SRGAP1: variants seen among roughly 807,000 people sequenced by gnomAD.
The protein encoded by SRGAP1 is SLIT-ROBO Rho GTPase activating protein 1.
SRGAP1 carries 43 observed loss-of-function variants against 121.9 expected under a neutral mutation model. That is an observed-to-expected ratio of 0.35 (90% CI 0.28 to 0.46). The LOEUF is 0.46. Among genes scored for constraint, SRGAP1 ranks in the 20% least tolerant of loss-of-function variants. The pLI is 1.00. For missense variants in SRGAP1, 1,102 were observed against 1,350.9 expected (o/e 0.82, Z 2.89); for synonymous variants, 447 against 485.4 (o/e 0.92, Z 1.04).
intron 1 of SRGAP1, among the ~76,000 whole-genome samples, chr12:63,969,122 T>G (rs1271855367): frequency 6.6e-6 from 1 of 152,276 alleles, no homozygotes; most frequent in East Asian, 1.9e-4. Context: ...ACTCCACCTG[T>G]TTTTAGGTGC....
At chr12:64,139,436 T>G (rs575628877) in intron 21 of SRGAP1, among the ~76,000 whole-genome samples, 5 of 152,242 alleles carry the variant, frequency 3.3e-5, no homozygotes, top group Non-Finnish European at 7.3e-5. Flanking sequence ...AGTATCTAAA[T>G]TTAAACTTTT....
chr12:64,078,001 G>A (rs1465354142), intron 8 of SRGAP1, among the ~76,000 whole-genome samples: 2 of 152,124 alleles, frequency 1.3e-5, no homozygotes, highest in African/African-American at 4.8e-5. Context: ...ATGATAATGT[G>A]CTCAATCTCA....
intron 10 of SRGAP1, among the ~76,000 whole-genome samples, chr12:64,082,377 C>T (rs150210708): frequency 3.5e-4 from 53 of 152,038 alleles, no homozygotes; most frequent in African/African-American, 1.2e-3. Context: ...ATTGAGTCCA[C>T]ATGCCAAATT....
intron 21 of SRGAP1, among the ~76,000 whole-genome samples, chr12:64,129,975 G>GTTTGTT (rs148026849): frequency 0.02 from 2,966 of 151,226 alleles, 113 homozygotes; most frequent in African/African-American, 0.068. Flanking sequence ...AGCAGGTCGT[G>GTTTGTT]GTTGTTGTTG....
At chr12:63,861,397 T>C (rs2136266897) in intron 1 of SRGAP1, among the ~76,000 whole-genome samples, 1 of 151,320 alleles carries the variant, frequency 6.6e-6, no homozygotes, top group East Asian at 2.0e-4. Context: ...CCTCCCAGGA[T>C]CAAGCGATTC....
chr12:64,122,326 G>T (rs1592341961), intron 18 of SRGAP1, among the ~76,000 whole-genome samples: 2 of 152,162 alleles, frequency 1.3e-5, no homozygotes, highest in South Asian at 4.1e-4. Context: ...GTACTGTGAG[G>T]CTTTCTATAT....
chr12:64,082,426 C>T (rs1004618899), intron 10 of SRGAP1, among the ~76,000 whole-genome samples: 1 of 150,844 alleles, frequency 6.6e-6, no homozygotes, highest in South Asian at 2.1e-4. Flanking sequence ...CTGTATTATA[C>T]TTTGTGAACT....
At chr12:63,899,783 G>A (rs974260792) in intron 1 of SRGAP1, among the ~76,000 whole-genome samples, 3 of 152,166 alleles carry the variant, frequency 2.0e-5, no homozygotes, top group East Asian at 1.9e-4. Context: ...AGGCTAAACC[G>A]AATTTAACAA....
At chr12:63,988,546 C>T (rs1332066779) in intron 2 of SRGAP1, among the ~76,000 whole-genome samples, 1 of 152,170 alleles carries the variant, frequency 6.6e-6, no homozygotes, top group East Asian at 1.9e-4. Flanking sequence ...CCCATTCCTG[C>T]TTCCATTGTC....
At chr12:63,916,059 G>T (rs1435962332) in intron 1 of SRGAP1, among the ~76,000 whole-genome samples, 4 of 143,760 alleles carry the variant, frequency 2.8e-5, no homozygotes, top group African/African-American at 5.2e-5. Flanking sequence ...TTGAGATGGG[G>T]TCTCACTCTG....
chr12:64,096,583 TA>T (rs919813273), intron 14 of SRGAP1, among the ~76,000 whole-genome samples: 32 of 152,024 alleles, frequency 2.1e-4, no homozygotes, highest in African/African-American at 7.7e-4. Context: ...TTGTTTACCA[TA>T]AAAAAAATAA....
intron 15 of SRGAP1, among the ~76,000 whole-genome samples, chr12:64,107,171 G>A (rs755560399): frequency 5.3e-5 from 8 of 152,018 alleles, no homozygotes; most frequent in African/African-American, 1.4e-4. Flanking sequence ...TAGATTTTTC[G>A]TACCTTTTCA....
rs563035863 is a variant in SRGAP1, at chr12:64,063,079, T to C, written c.964T>C (p.Tyr322His). Reference protein sequence around the residue: ...RSDKQRFMEMYPAAFCPPMKF... With the variant: ...RSDKQRFMEMHPAAFCPPMKF... ...CGATAAGCAGAGATTCATGGAGATG[T>C]ACCCTGCTGCGTTCTGTCCACCAAT... is the stretch of plus-strand genomic sequence containing the variant. The change falls in exon 7 of 22, where the codon TAC (tyrosine) becomes CAC (histidine). Residue 322 changes from tyrosine (Y) to histidine (H), a missense_variant. By Grantham distance (83) the Tyr-to-His change is moderately conservative (BLOSUM62 2). Around this residue, in one of 3 missense-constraint regions of SRGAP1, gnomAD observed 747 missense variants for 929.4 expected, o/e 0.80. Transcript: ENST00000355086. 2.5e-6 allele frequency: 4 copies of C among 1,614,158 alleles called. No individual in the cohort carries two copies. The Admixed American group carries it at 5.0e-5, about 20-fold the overall frequency.
intron 10 of SRGAP1, among the ~76,000 whole-genome samples, chr12:64,084,283 A>C (rs1027121083): frequency 1.3e-5 from 2 of 152,200 alleles, no homozygotes; most frequent in African/African-American, 4.8e-5. Flanking sequence ...GTTTGAACCA[A>C]GAACAAGTTA....
At chr12:63,853,558 G>A (rs1433850808) in intron 1 of SRGAP1, among the ~76,000 whole-genome samples, 2 of 152,152 alleles carry the variant, frequency 1.3e-5, no homozygotes, top group African/African-American at 4.8e-5. Context: ...TAAAATGGAA[G>A]GTGAAATAAT....
At chr12:63,897,377 G>T in intron 1 of SRGAP1, among the ~76,000 whole-genome samples, 1 of 152,192 alleles carries the variant, frequency 6.6e-6, no homozygotes, top group East Asian at 1.9e-4. Flanking sequence ...AGCAACTAGA[G>T]CAATGCTTAT....
At chr12:63,965,526 C>T (rs1354377760) in intron 1 of SRGAP1, among the ~76,000 whole-genome samples, 1 of 151,932 alleles carries the variant, frequency 6.6e-6, no homozygotes, top group East Asian at 1.9e-4. Context: ...ATACAGTGGG[C>T]TGGGTGTGGT....
chr12:64,049,399 T>C (rs1416591156), intron 6 of SRGAP1, among the ~76,000 whole-genome samples: 1 of 152,152 alleles, frequency 6.6e-6, no homozygotes, highest in East Asian at 1.9e-4. Flanking sequence ...CTTACAATCA[T>C]GGTGGAAGGG....
At chr12:64,091,907 A>C in intron 12 of SRGAP1, 1 of 1,535,876 alleles carries the variant, frequency 6.5e-7, no homozygotes, top group Non-Finnish European at 8.7e-7. Flanking sequence ...GGACGAAGAA[A>C]CTCGCACACA....
Sources: allele counts gnomAD v4.1 joint callset (sites outside exome capture counted in the v4.1 genomes callset), GRCh38; gene constraint gnomAD v4.1.1; regional missense constraint gnomAD v4.1.1; transcripts MANE v1.5; gene names NCBI Gene and HGNC (gene_info 2026-07-23, HGNC 2026-07-21).